JAG2: variants seen among roughly 807,000 people sequenced by gnomAD.
The protein encoded by JAG2 is protein jagged-2.
JAG2 carries 46 observed loss-of-function variants against 141.7 expected under a neutral mutation model. The observed-to-expected ratio is 0.32, with a 90% CI of 0.26 to 0.42. The LOEUF is 0.42. JAG2 is among the 10% of genes least tolerant of loss of function. JAG2 has a pLI of 1.00. For synonymous variants in JAG2, 862 were observed against 763.5 expected (o/e 1.13, Z -2.13); for missense variants, 1,500 against 1,817.5 (o/e 0.83, Z 3.18).
At chr14:105,151,449 G>A (rs1365369229) in intron 8 of JAG2, 53 bp from the exon 9 acceptor site, 3 of 1,524,302 alleles carry the variant, frequency 2.0e-6, no homozygotes, top group Non-Finnish European at 2.7e-6. Context: ...GTGGGAATAA[G>A]GTCCCCATGG....
Position 105,143,612 on chromosome 14 carries a change from A to G in JAG2, c.3111T>C (p.Pro1037=). The G allele has an allele frequency of 6.2e-7, 1 of 1,608,382 alleles. No individual in the cohort carries two copies. The highest frequency in any genetic ancestry group is 8.5e-7 in the Non-Finnish European group (1 of 1,179,702). ...AVSFSPARDL[P]DSSLIQGAAH... ...CCGCGCCCTGGATCAGGCTGCTGTC[A>G]GGCAGGTCCCTGGCAGGGCTGAAGG... The change falls in exon 25 of 26, where the codon CCT becomes CCC. Residue 1037 remains proline, a synonymous_variant. Coordinates refer to ENST00000331782, the MANE Select transcript of JAG2 (RefSeq NM_002226.5).
intron 20 of JAG2, 169 bp from the exon 21 acceptor site, chr14:105,146,893 G>C (rs1888241667): frequency 2.9e-6 from 2 of 690,444 alleles, no homozygotes; most frequent in Non-Finnish European, 5.2e-6. Flanking sequence ...GCCTTCCTGA[G>C]CCCAGCCTGA....
chr14:105,166,822 T>A (rs1806785396), intron 2 of JAG2, among the ~76,000 whole-genome samples: 2 of 152,176 alleles, frequency 1.3e-5, no homozygotes, highest in African/African-American at 4.8e-5. Context: ...TACTCCCTGA[T>A]CACAGGTCTG....
intron 12 of JAG2, among the ~76,000 whole-genome samples, chr14:105,150,401 A>G (rs1450237884): frequency 1.3e-5 from 2 of 152,084 alleles, no homozygotes; most frequent in Non-Finnish European, 2.9e-5. Flanking sequence ...ACAACAAGCA[A>G]TGGCCACAGG....
rs1888954227 is a variant in JAG2 at position 105,167,512 on chromosome 14, GC to G, written c.417+244del. On this transcript the variant is annotated intron_variant, in intron 2 of 25. Transcript: ENST00000331782. This position sits in a 1 kb window ranked among gnomAD's most constrained non-coding sequence, Gnocchi z 4.8. ...GCACACGCCGCACACCGCCGCGCACGCGGGACGCCGCCGCCCCGCCCCCGCC... is the reference window on the plus strand; with the variant it reads ...GCACACGCCGCACACCGCCGCGCACGGGGACGCCGCCGCCCCGCCCCCGCC... Among the ~76,000 whole-genome samples the G allele has an allele frequency of 6.7e-6, 1 of 148,676 alleles. No individual in the cohort carries two copies. Among genetic ancestry groups the G allele is most frequent in the African/African-American group, 2.4e-5 (1 of 40,964 alleles).
In JAG2 at chr14:105,150,691, G is replaced by A; in HGVS notation, c.1515C>T (p.Ser505=). The change falls in exon 12 of 26, where the codon AGC becomes AGT. Residue 505 remains serine, a synonymous_variant. Transcript: ENST00000331782. ...CGCAGAGGCCGCCGCTGTGGCAGGG[G>A]CTGCTGGCACACTCGTCTCGTTCCA... ...CELERDECAS[S]PCHSGGLCED... 1 of 1,554,682 alleles carries A rather than the reference G, an allele frequency of 6.4e-7. No individual in the cohort carries two copies. The highest frequency in any genetic ancestry group is 8.7e-7 in the Non-Finnish European group (1 of 1,149,376).
chr14:105,167,961 C>A lies in JAG2; in HGVS notation c.213G>T (p.Val71=). ...GCGHDECDTY[V]RVCLKEYQAK... ...CCTGGTACTCCTTAAGGCACACGCG[C>A]ACGTACGTGTCGCACTCGTCGTGGC... The change falls in exon 2 of 26, where the codon GTG becomes GTT. Residue 71 remains valine, a synonymous_variant. Coordinates refer to ENST00000331782, the MANE Select transcript of JAG2 (RefSeq NM_002226.5). The surrounding 1 kb of genome is among the most constrained non-coding windows in gnomAD (Gnocchi z 4.8). 1 of 1,604,656 alleles carries A rather than the reference C, an allele frequency of 6.2e-7. No individual in the cohort carries two copies. The highest frequency in any genetic ancestry group is 8.5e-7 in the Non-Finnish European group (1 of 1,178,070).
rs1888245749 is a variant in JAG2, at chr14:105,147,011, G to A, written c.2480-287C>T. The A allele has an allele frequency of 2.3e-5, 14 of 606,648 alleles. 1 individual carries two copies. In the East Asian group the frequency reaches 3.6e-4, roughly 16 times the overall value. 37.6% of individuals were successfully genotyped at this position (606,648 alleles called of 1,614,324 possible). On this transcript the variant is annotated intron_variant, in intron 20 of 25. Transcript: ENST00000331782. The stretch of plus-strand genomic sequence containing the variant: ...CCAGCCAAGGGGTGCTGGACAGACA[G>A]CTGGGCCAACACCCAGGGACAACAG...
In JAG2 at chr14:105,152,020, G is replaced by C; in HGVS notation, c.957C>G (p.Asn319Lys). ...NYCGSHHPCT[N>K]GGTCINAEPD... ...GCTCGGCGTTGATGCACGTGCCTCCGTTGGTGCAGGGGTGGTGGCTGCCAC... is the reference window on the plus strand; with the variant it reads ...GCTCGGCGTTGATGCACGTGCCTCCCTTGGTGCAGGGGTGGTGGCTGCCAC... Residue 319 changes from asparagine to lysine, a missense_variant, in exon 7 of 26, where the codon AAC (asparagine) becomes AAG (lysine). Physicochemically the swap from Asn to Lys is moderately conservative, Grantham distance 94. Transcript: ENST00000331782. The C allele has an allele frequency of 6.2e-7, 1 of 1,613,390 alleles. No homozygotes were observed.
rs753456166 is a variant in JAG2, at chr14:105,151,706, T to C, written c.1073A>G (p.Asn358Ser). Residue 358 changes from asparagine (N) to serine (S), a missense_variant, in exon 8 of 26, where the codon AAC (asparagine) becomes AGC (serine). Asn to Ser is a conservative substitution (Grantham distance 46). Transcript: ENST00000331782. ...EHACTSNPCA[N>S]GGSCHEVPSG... ...CGGCACCTCATGGCAAGAGCCCCCGTTGGCACACGGGTTGGAGGTGCAGGC... is the reference window on the plus strand; with the variant it reads ...CGGCACCTCATGGCAAGAGCCCCCGCTGGCACACGGGTTGGAGGTGCAGGC... 5.6e-6 allele frequency: 9 copies of C among 1,611,372 alleles called. No homozygotes were observed. Among genetic ancestry groups the C allele is most frequent in the East Asian group, 2.2e-5 (1 of 44,810 alleles).
chr14:105,167,683 G>A lies in JAG2; in HGVS notation c.417+74C>T. The A allele has an allele frequency of 1.5e-6, 2 of 1,312,752 alleles. No homozygotes were observed. Among genetic ancestry groups the A allele is most frequent in the Non-Finnish European group, 1.9e-6 (2 of 1,032,762 alleles). The allele number at this position is 1,312,752 out of a possible 1,614,324, so 81.3% of individuals were successfully genotyped here. On this transcript the variant is annotated intron_variant, in intron 2 of 25. Transcript: ENST00000331782. The surrounding 1 kb of genome is among the most constrained non-coding windows in gnomAD (Gnocchi z 4.8). ...CGCAGACCCGGCCGCAGGTGTTGGG[G>A]GTCGCGAAGCGCGCGGGGCCGGGGC...
Position 105,145,925 on chromosome 14 carries a change from G to C in JAG2, c.2758C>G (p.Leu920Val), listed in dbSNP as rs199604226. Residue 920 changes from leucine (L) to valine (V), a missense_variant, in exon 23 of 26, where the codon CTG becomes GTG. Leu to Val is a conservative substitution (Grantham distance 32). Around this residue, in one of 3 missense-constraint regions of JAG2, gnomAD observed 875 missense variants for 1,202.2 expected, o/e 0.73. Coordinates refer to ENST00000331782, the MANE Select transcript of JAG2 (RefSeq NM_002226.5). ...PCLLAGQPEA[L>V]SAQCPLGQRC... The stretch of plus-strand genomic sequence containing the variant: ...TGCCCCAGTGGGCACTGGGCGCTCA[G>C]GGCCTCGGGCTGGCCGGCCAGCAGA... 1 of 1,577,544 alleles carries C rather than the reference G, an allele frequency of 6.3e-7. No homozygotes were observed. Among genetic ancestry groups the C allele is most frequent in the African/African-American group, 1.3e-5 (1 of 74,250 alleles).
intron 13 of JAG2, 40 bp from the exon 14 acceptor site, chr14:105,149,129 G>GCCCCCCCCCCCCCCCCCCCCCCCCCCTC: frequency 6.4e-7 from 1 of 1,551,920 alleles, no homozygotes. Context: ...GCCCGCCCCT[G>GCCCCCCCCCCCCCCCCCCCCCCCCCCTC]CCCCACCACC....
In JAG2 at chr14:105,147,378, G is replaced by A. The variant is rs752465736; in HGVS notation, c.2427C>T (p.Asn809=). 2 of 1,598,066 alleles carry A rather than the reference G, an allele frequency of 1.3e-6. No homozygotes were observed. The highest frequency in any genetic ancestry group is 8.5e-7 in the Non-Finnish European group (1 of 1,173,040). ...CAGGTGCACACTCGCAGCGGAACCA[G>A]TTGACGCCGTCAACACAGATGCCAC... ...YNGGICVDGV[N]WFRCECAPGF... Residue 809 remains asparagine (N), a synonymous_variant, in exon 20 of 26, where the codon AAC becomes AAT. Coordinates refer to ENST00000331782, the MANE Select transcript of JAG2 (RefSeq NM_002226.5).
chr14:105,153,382 C>T (rs971520642), intron 5 of JAG2, among the ~76,000 whole-genome samples: 18 of 152,340 alleles, frequency 1.2e-4, no homozygotes, highest in African/African-American at 4.1e-4. Flanking sequence ...ATCCCTCCTC[C>T]ACAGACACAG....
chr14:105,149,472 C>T, intron 12 of JAG2, 152 bp from the exon 13 acceptor site: 2 of 911,212 alleles, frequency 2.2e-6, no homozygotes, highest in Non-Finnish European at 3.3e-6. Context: ...AAGACCCCTG[C>T]CCACCTGAGA....
At position 105,143,637 on chromosome 14, in the gene JAG2, G is replaced by A. The variant is rs781269054; in HGVS notation, c.3086C>T (p.Ser1029Phe). ...AGGCAGGTCCCTGGCAGGGCTGAAG[G>A]ACTGCGGCAAAGAACGGCATTGTGG... The part of the protein sequence containing the change: ...SGASAVEVAV[S>F]FSPARDLPDS... Residue 1029 changes from serine to phenylalanine, a missense_variant and splice_region_variant, in exon 25 of 26, where the codon TCC becomes TTC. Around this residue, in one of 3 missense-constraint regions of JAG2, gnomAD observed 425 missense variants for 441.0 expected, o/e 0.96. Coordinates refer to ENST00000331782, the MANE Select transcript of JAG2 (RefSeq NM_002226.5). 1.2e-6 allele frequency: 2 copies of A among 1,607,086 alleles called. No individual in the cohort carries two copies. The highest frequency in any genetic ancestry group is 1.7e-6 in the Non-Finnish European group (2 of 1,179,748).
At chr14:105,152,591 C>G (rs1046085968) in intron 5 of JAG2, among the ~76,000 whole-genome samples, 13 of 152,290 alleles carry the variant, frequency 8.5e-5, no homozygotes, top group African/African-American at 3.1e-4. Flanking sequence ...AAGGAAGGCC[C>G]TGCCGGGACC....
At chr14:105,168,270 G>T in intron 1 of JAG2, 85 bp downstream of exon 1, 3 of 723,004 alleles carry the variant, frequency 4.1e-6, no homozygotes, top group Non-Finnish European at 5.1e-6. Context: ...GAACCACGGC[G>T]GCCCCAGGCA....
Sources: gnomAD v4.1 joint callset for allele counts (sites outside exome capture counted in the v4.1 genomes callset) on GRCh38, gnomAD v4.1.1 for gene constraint, gnomAD v4.1.1 regional missense constraint, Gnocchi (gnomAD v3.1) non-coding constraint, MANE v1.5 for transcripts, NCBI Gene and HGNC (gene_info 2026-07-23, HGNC 2026-07-21) for gene names.